The following PIEZO2 variants were observed in gnomAD, a reference collection of about 807,000 sequenced individuals.
The protein encoded by PIEZO2 is piezo-type mechanosensitive ion channel component 2.
In PIEZO2, 172 loss-of-function variants were observed where a neutral mutation model predicts 337.3. The observed-to-expected ratio is 0.51, with a 90% CI of 0.45 to 0.58. The LOEUF is 0.58. PIEZO2 is among the 20% of genes least tolerant of loss of function. The pLI, the probability that PIEZO2 is intolerant of heterozygous loss-of-function variation, is 0.00. For synonymous variants in PIEZO2, 1,251 were observed against 1,228.5 expected (o/e 1.02, Z -0.38); for missense variants, 3,028 against 3,391.3 (o/e 0.89, Z 2.66).
At chr18:10,793,127 T>C (rs991319201) in intron 13 of PIEZO2, among the ~76,000 whole-genome samples, 2 of 151,986 alleles carry the variant, frequency 1.3e-5, no homozygotes, top group Middle Eastern at 3.2e-3. Context: ...GGCGTGGTAG[T>C]GGGCGCCTGT....
At chr18:10,736,581 G>T (rs770877694) in intron 34 of PIEZO2, 23 bp downstream of exon 34, 3 of 1,536,796 alleles carry the variant, frequency 2.0e-6, no homozygotes, top group East Asian at 2.4e-5. Context: ...AACTAGCAAA[G>T]AAATGATTTT....
rs1193373948 is a variant in PIEZO2 at position 10,815,142 on chromosome 18, A to C, written c.918-7868T>G. Among the ~76,000 whole-genome samples, 6 of 152,192 alleles carry C rather than the reference A, an allele frequency of 3.9e-5. No homozygotes were observed. The highest frequency in any genetic ancestry group is 3.9e-4 in the Admixed American group (6 of 15,272). ...TTCCCCACTCTAATGGCATAAATCT[A>C]ATGGCAACAAAACATGGGTCTTATT... is the stretch of plus-strand genomic sequence containing the variant. On this transcript the variant is annotated intron_variant, in intron 7 of 55. Transcript: ENST00000674853. The surrounding 1 kb of genome is among the most constrained non-coding windows in gnomAD (Gnocchi z 4.1).
At chr18:11,015,319 C>G (rs527832844) in intron 2 of PIEZO2, among the ~76,000 whole-genome samples, 39 of 152,302 alleles carry the variant, frequency 2.6e-4, no homozygotes, top group Admixed American at 2.4e-3. Context: ...CCGGGGCCCC[C>G]TCACTCCTCA....
intron 33 of PIEZO2, chr18:10,740,580 C>G (rs2037177615): frequency 5.7e-6 from 1 of 176,294 alleles, no homozygotes. Flanking sequence ...ATGCCTAGTG[C>G]CTTACAGAGA....
chr18:11,041,012 CT>C (rs754605926), intron 2 of PIEZO2, among the ~76,000 whole-genome samples: 14 of 152,162 alleles, frequency 9.2e-5, no homozygotes, highest in Non-Finnish European at 1.9e-4. Flanking sequence ...ACAGCTCCCT[CT>C]GGTGGAAGCA....
intron 36 of PIEZO2, among the ~76,000 whole-genome samples, chr18:10,719,007 A>AATTAATT (rs1567981833): frequency 6.8e-6 from 1 of 146,554 alleles, no homozygotes; most frequent in African/African-American, 2.7e-5. Context: ...ATAAATAAAT[A>AATTAATT]AATAAATAAA....
In PIEZO2 at chr18:10,682,700, G is replaced by A. The variant is rs1449455622; in HGVS notation, c.7498-408C>T. On this transcript the variant is annotated intron_variant, in intron 49 of 55. Coordinates refer to ENST00000674853, the MANE Select transcript of PIEZO2 (RefSeq NM_001378183.1). This position sits in a 1 kb window ranked among gnomAD's most constrained non-coding sequence, Gnocchi z 5.6. ...CAATTCCTGAATATTTAAAATCTGT[G>A]CCTTTCAGTTGACCCTTCCCTGCCC... Among the ~76,000 whole-genome samples, 1 of 152,084 alleles carries A rather than the reference G, an allele frequency of 6.6e-6. No homozygotes were observed. The highest frequency in any genetic ancestry group is 6.5e-5 in the Admixed American group (1 of 15,276).
rs2033817771 is a variant in PIEZO2, at chr18:10,962,339, C to G, written c.286+17196G>C. Among the ~76,000 whole-genome samples the G allele has an allele frequency of 6.6e-6, 1 of 152,208 alleles. No individual in the cohort carries two copies. Among genetic ancestry groups the G allele is most frequent in the African/African-American group, 2.4e-5 (1 of 41,456 alleles). The stretch of plus-strand genomic sequence containing the variant: ...TTTTCCTGGTCACTCACGGCCCTCC[C>G]TCGGCTCCCCACAGCCTCATACTCA... On this transcript the variant is annotated intron_variant, in intron 3 of 55. Coordinates refer to ENST00000674853, the MANE Select transcript of PIEZO2 (RefSeq NM_001378183.1). This position sits in a 1 kb window ranked among gnomAD's most constrained non-coding sequence, Gnocchi z 4.1.
intron 45 of PIEZO2, among the ~76,000 whole-genome samples, chr18:10,696,742 G>A (rs1265896198): frequency 6.6e-6 from 1 of 152,202 alleles, no homozygotes; most frequent in African/African-American, 2.4e-5. Flanking sequence ...TGCCAAGATA[G>A]GTACTGCAGC....
intron 2 of PIEZO2, among the ~76,000 whole-genome samples, chr18:11,058,215 A>T (rs2145881746): frequency 6.6e-6 from 1 of 152,326 alleles, no homozygotes; most frequent in East Asian, 1.9e-4. Context: ...ACCTCCAGCA[A>T]ACTCCAACAC....
At chr18:10,891,297 T>C (rs1327595773) in intron 4 of PIEZO2, among the ~76,000 whole-genome samples, 1 of 152,124 alleles carries the variant, frequency 6.6e-6, no homozygotes, top group African/African-American at 2.4e-5. Context: ...CACTCCAGCC[T>C]GGGAGACAGA....
Position 10,864,075 on chromosome 18 carries a change from G to A in PIEZO2, c.493-6864C>T, listed in dbSNP as rs563349642. On this transcript the variant is annotated intron_variant, in intron 5 of 55. Transcript: ENST00000674853. The stretch of plus-strand genomic sequence containing the variant: ...TGAGGATGTACAATTCCTTCTTGGT[G>A]CTCAACAGTTTCCAGAAAGATTCAG... Among the ~76,000 whole-genome samples, 180 of 152,320 alleles carry A rather than the reference G, an allele frequency of 1.2e-3. 2 individuals are homozygous for A. The highest frequency in any genetic ancestry group is 4.1e-3 in the African/African-American group (170 of 41,566).
intron 27 of PIEZO2, among the ~76,000 whole-genome samples, chr18:10,754,365 G>T (rs1242099894): frequency 6.6e-6 from 1 of 152,192 alleles, no homozygotes; most frequent in Non-Finnish European, 1.5e-5. Context: ...AGGAAGAGGG[G>T]AGCATGGCTG....
At chr18:10,892,084 A>G (rs527846244) in intron 4 of PIEZO2, among the ~76,000 whole-genome samples, 32 of 152,312 alleles carry the variant, frequency 2.1e-4, no homozygotes, top group African/African-American at 6.0e-4. Flanking sequence ...TATGATGTCC[A>G]CACAACCACC....
At chr18:11,137,251 T>A (rs1300914997) in intron 1 of PIEZO2, among the ~76,000 whole-genome samples, 1 of 152,184 alleles carries the variant, frequency 6.6e-6, no homozygotes, top group Non-Finnish European at 1.5e-5. Flanking sequence ...AAAATTATTG[T>A]TCTTAGCAGT....
intron 2 of PIEZO2, among the ~76,000 whole-genome samples, chr18:11,057,352 T>C (rs2145878207): frequency 1.3e-5 from 2 of 152,352 alleles, no homozygotes; most frequent in African/African-American, 4.8e-5. Flanking sequence ...TGGGGCCTTA[T>C]CTACTGAGGT....
At chr18:10,704,291 G>C (rs374926569) in intron 42 of PIEZO2, 103 bp downstream of exon 42, 3 of 1,401,258 alleles carry the variant, frequency 2.1e-6, no homozygotes, top group South Asian at 1.5e-5. Context: ...AACTGTCTGG[G>C]ATCAGGGCAG....
At chr18:10,998,861 C>CAAAA (rs10544415) in intron 2 of PIEZO2, among the ~76,000 whole-genome samples, 6 of 118,816 alleles carry the variant, frequency 5.0e-5, no homozygotes, top group Non-Finnish European at 5.4e-5. Flanking sequence ...TCAAATACAG[C>CAAAA]AAAAAAAAAA....
At position 10,847,896 on chromosome 18, in the gene PIEZO2, G is replaced by A. The variant is rs901318309; in HGVS notation, c.917+7457C>T. Among the ~76,000 whole-genome samples the A allele has an allele frequency of 3.9e-5, 6 of 152,206 alleles. No homozygotes were observed. Among genetic ancestry groups the A allele is most frequent in the African/African-American group, 1.4e-4 (6 of 41,460 alleles). The stretch of plus-strand genomic sequence containing the variant: ...TCTAACAAAAAGGTGAAGGGAAAGT[G>A]GTAGCTTGGTTGGGTTCATTTGCAT... On this transcript the variant is annotated intron_variant, in intron 7 of 55. Transcript: ENST00000674853. This position sits in a 1 kb window ranked among gnomAD's most constrained non-coding sequence, Gnocchi z 5.7.
Sources: gnomAD v4.1 joint callset for allele counts (sites outside exome capture counted in the v4.1 genomes callset) on GRCh38, gnomAD v4.1.1 for gene constraint, Gnocchi (gnomAD v3.1) non-coding constraint, MANE v1.5 for transcripts, NCBI Gene and HGNC (gene_info 2026-07-23, HGNC 2026-07-21) for gene names.